The following CLIP4 variants were observed in gnomAD, a reference collection of about 807,000 sequenced individuals.
CLIP4 encodes the protein CAP-Gly domain containing linker protein family member 4.
A neutral mutation model predicts 73.1 loss-of-function variants in CLIP4; 47 were observed. That is an observed-to-expected ratio of 0.64 (90% confidence interval 0.51 to 0.82). The LOEUF (loss-of-function observed/expected upper bound fraction) is 0.82, where lower values mean the gene tolerates loss of function less well. CLIP4 is among the 40% of genes least tolerant of loss of function. The probability of loss-of-function intolerance (pLI) is 0.00; values close to 1 mark genes in which losing one functional copy is unlikely to be tolerated. For missense variants in CLIP4, 874 were observed against 852.9 expected (o/e 1.02, Z -0.31); for synonymous variants, 306 against 295.4 (o/e 1.04, Z -0.37).
At position 29,181,945 on chromosome 2, in the gene CLIP4, A is replaced by T; in HGVS notation, c.*52A>T. 1 of 1,426,646 alleles carries T rather than the reference A, an allele frequency of 7.0e-7. No individual in the cohort carries two copies. The highest frequency in any genetic ancestry group is 1.4e-5 in the African/African-American group (1 of 69,622). 88.4% of individuals were successfully genotyped at this position (1,426,646 alleles called of 1,614,324 possible). A position where few individuals can be genotyped will look rare whatever the true frequency, so the allele number is the denominator to read the frequency against. ...ATATATATATTTGGTGTAAATAAAGAGTCCATGGTAAATGGTTTACTTTAT... is the reference window on the plus strand; with the variant it reads ...ATATATATATTTGGTGTAAATAAAGTGTCCATGGTAAATGGTTTACTTTAT... On this transcript the variant is annotated 3_prime_UTR_variant, in exon 16 of 16. Coordinates refer to ENST00000320081, the MANE Select transcript of CLIP4 (RefSeq NM_024692.6).
At chr2:29,120,456 G>A (rs1664178272) in intron 1 of CLIP4, among the ~76,000 whole-genome samples, 1 of 152,118 alleles carries the variant, frequency 6.6e-6, no homozygotes, top group Admixed American at 6.5e-5. Context: ...CTAGTATGGT[G>A]TTGTCTACTA....
intron 6 of CLIP4, 125 bp downstream of exon 6, chr2:29,135,791 G>A: frequency 1.6e-6 from 1 of 617,914 alleles, no homozygotes; most frequent in Non-Finnish European, 2.8e-6. Context: ...TTATATCTTT[G>A]TGCCACATGT....
intron 6 of CLIP4, among the ~76,000 whole-genome samples, chr2:29,139,690 T>C (rs986839898): frequency 6.6e-5 from 10 of 152,180 alleles, no homozygotes; most frequent in African/African-American, 2.4e-4. Context: ...GGTTTCACTT[T>C]CTTCCTGGTT....
intron 1 of CLIP4, among the ~76,000 whole-genome samples, chr2:29,098,846 T>C (rs1205671020): frequency 6.6e-6 from 1 of 152,258 alleles, no homozygotes; most frequent in Non-Finnish European, 1.5e-5. Context: ...TGAAAGTTCC[T>C]GTGTTCCACA....
intron 11 of CLIP4, among the ~76,000 whole-genome samples, chr2:29,159,528 C>A (rs1261773536): frequency 6.6e-6 from 1 of 152,014 alleles, no homozygotes; most frequent in African/African-American, 2.4e-5. Flanking sequence ...ATAATTAGAA[C>A]CGTATAGCAA....
chr2:29,139,573 T>A (rs1028261495), intron 6 of CLIP4, among the ~76,000 whole-genome samples: 2 of 152,114 alleles, frequency 1.3e-5, no homozygotes, highest in African/African-American at 4.8e-5. Context: ...CTCCTCCTCG[T>A]ATGTTTGGTA....
chr2:29,178,755 A>G (rs575288993), intron 15 of CLIP4, among the ~76,000 whole-genome samples: 2 of 152,102 alleles, frequency 1.3e-5, no homozygotes, highest in African/African-American at 2.4e-5. Context: ...AATACTTCCT[A>G]TCTCTTTCTC....
chr2:29,137,004 C>T (rs145311470), intron 6 of CLIP4, among the ~76,000 whole-genome samples: 1 of 151,388 alleles, frequency 6.6e-6, no homozygotes, highest in East Asian at 1.9e-4. Context: ...TCAGACCATA[C>T]TTTGATAGCC....
At chr2:29,135,978 C>T (rs1243243893) in intron 6 of CLIP4, among the ~76,000 whole-genome samples, 2 of 152,106 alleles carry the variant, frequency 1.3e-5, no homozygotes, top group African/African-American at 2.4e-5. Context: ...AGTAGCAATA[C>T]ATATATTACA....
chr2:29,152,388 TA>T (rs35592808), intron 8 of CLIP4, among the ~76,000 whole-genome samples: 62,925 of 151,670 alleles, frequency 0.41, 14,828 homozygotes, highest in Non-Finnish European at 0.55. Context: ...CCGTAAAGGT[TA>T]AAAAAAATGA....
At chr2:29,116,106 G>C (rs768652451) in intron 1 of CLIP4, among the ~76,000 whole-genome samples, 8 of 152,226 alleles carry the variant, frequency 5.3e-5, no homozygotes, top group Non-Finnish European at 1.0e-4. Context: ...CCTTTGGCCA[G>C]TGGGTCTTCA....
Position 29,160,445 on chromosome 2 carries a change from T to TGG in CLIP4, c.1514_1515dup (p.Thr506GlyfsTer13). ...AGAGACTGGGCACCATTAGGTTCTTTGGGACAACAAACTTCGCTCCAGGTA... is the reference window on the plus strand; with the variant it reads ...AGAGACTGGGCACCATTAGGTTCTTTGGGGGACAACAAACTTCGCTCCAGGTA... On this transcript the variant is annotated frameshift_variant, in exon 12 of 16. Transcript: ENST00000320081. LOFTEE classifies it high-confidence loss of function. The TGG allele has an allele frequency of 1.2e-6, 2 of 1,614,172 alleles. No homozygotes were observed. Among genetic ancestry groups the TGG allele is most frequent in the Non-Finnish European group, 1.7e-6 (2 of 1,180,004 alleles).
Position 29,182,719 on chromosome 2 carries a change from AT to A in CLIP4, c.*834del, listed in dbSNP as rs542470638. Reference sequence around the variant, plus strand: ...GTTTATGAATTCAAGTAATAATTAGATTTTTTTTGCACAGACTTACTTAACT... The same window carrying A: ...GTTTATGAATTCAAGTAATAATTAGATTTTTTTGCACAGACTTACTTAACT... On this transcript the variant is annotated 3_prime_UTR_variant, in exon 16 of 16. Coordinates refer to ENST00000320081, the MANE Select transcript of CLIP4 (RefSeq NM_024692.6). The A allele has an allele frequency of 2.1e-3, 319 of 152,592 alleles. No individual in the cohort carries two copies. Among genetic ancestry groups the A allele is most frequent in the Middle Eastern group, 6.8e-3 (2 of 292 alleles). The allele number at this position is 152,592 out of a possible 1,614,324, so 9.5% of individuals were successfully genotyped here.
intron 8 of CLIP4, among the ~76,000 whole-genome samples, chr2:29,148,388 C>G (rs1472761293): frequency 1.1e-4 from 17 of 152,104 alleles, no homozygotes; most frequent in Non-Finnish European, 1.0e-4. Context: ...TTATTTTGTT[C>G]TATTGATCTG....
chr2:29,156,329 A>C, intron 9 of CLIP4, 25 bp from the exon 10 acceptor site: 1 of 1,493,836 alleles, frequency 6.7e-7, no homozygotes. Context: ...ATTCTTGCTT[A>C]AAGTGTTTTA....
At position 29,121,369 on chromosome 2, in the gene CLIP4, T is replaced by C. The variant is rs780366174; in HGVS notation, c.-15-5T>C. On this transcript the variant is annotated splice_polypyrimidine_tract_variant and splice_region_variant and intron_variant, in intron 1 of 15. Transcript: ENST00000320081. ...GAAACACTTTTTTTTTCTTTCTTATTATAGGTGGCTTTCTAGAAGATGACC... is the reference window on the plus strand; with the variant it reads ...GAAACACTTTTTTTTTCTTTCTTATCATAGGTGGCTTTCTAGAAGATGACC... 1 of 1,591,934 alleles carries C rather than the reference T, an allele frequency of 6.3e-7. No homozygotes were observed. The highest frequency in any genetic ancestry group is 1.4e-5 in the African/African-American group (1 of 73,238).
At chr2:29,142,172 T>A (rs920686792) in intron 6 of CLIP4, among the ~76,000 whole-genome samples, 11 of 151,520 alleles carry the variant, frequency 7.3e-5, no homozygotes, top group African/African-American at 2.7e-4. Flanking sequence ...ACTCCCTTAA[T>A]CGTCTTTTAT....
chr2:29,143,716 A>G lies in CLIP4; in HGVS notation c.656A>G (p.Lys219Arg), dbSNP rs1665945068. ...TCTTATCTTTATTTGTAGAATGACA[A>G]AGGACAGATCCCTGCTGATGTTGTT... ...QGANPAFRND[K>R]GQIPADVVPD... The change falls in exon 7 of 16, where the codon AAA becomes AGA. Residue 219 changes from lysine to arginine, a missense_variant. Transcript: ENST00000320081. The G allele has an allele frequency of 6.2e-7, 1 of 1,607,856 alleles. No individual in the cohort carries two copies. The highest frequency in any genetic ancestry group is 1.7e-5 in the Admixed American group (1 of 59,982).
intron 3 of CLIP4, chr2:29,131,925 G>T (rs924344586): frequency 2.5e-5 from 12 of 473,776 alleles, no homozygotes; most frequent in Non-Finnish European, 4.1e-5. Context: ...GATTACCTTT[G>T]GAATAATCTT....
Sources: gnomAD v4.1 joint callset for allele counts (sites outside exome capture counted in the v4.1 genomes callset) on GRCh38, gnomAD v4.1.1 for gene constraint, MANE v1.5 for transcripts, NCBI Gene and HGNC (gene_info 2026-07-23, HGNC 2026-07-21) for gene names.